The following PLCE1 variants were observed in gnomAD, a reference collection of about 807,000 sequenced individuals.
PLCE1 encodes 1-phosphatidylinositol 4,5-bisphosphate phosphodiesterase epsilon-1.
A neutral mutation model predicts 242.8 loss-of-function variants in PLCE1; 119 were observed. That is an observed-to-expected ratio of 0.49 (90% CI 0.42 to 0.57). The LOEUF (loss-of-function observed/expected upper bound fraction) is 0.57. Ranked by LOEUF, PLCE1 falls within the 20% of genes least tolerant of loss-of-function variation. PLCE1 has a pLI of 0.00. For missense variants in PLCE1, 2,441 were observed against 2,788.8 expected (o/e 0.88, Z 2.81); for synonymous variants, 945 against 1,017.4 (o/e 0.93, Z 1.35).
At chr10:93,996,395 G>A (rs2060822420) in intron 1 of PLCE1, among the ~76,000 whole-genome samples, 1 of 152,200 alleles carries the variant, frequency 6.6e-6, no homozygotes, top group Admixed American at 6.5e-5. Context: ...GTTTGGTTGA[G>A]GCGAGGGAAG....
intron 8 of PLCE1, among the ~76,000 whole-genome samples, chr10:94,250,050 T>A (rs948407183): frequency 6.6e-6 from 1 of 151,306 alleles, no homozygotes; most frequent in Non-Finnish European, 1.5e-5. Context: ...TTTTAAGGAA[T>A]CTATTTTCTA....
At position 94,246,555 on chromosome 10, in the gene PLCE1, A is replaced by G; in HGVS notation, c.3030A>G (p.Arg1010=). Residue 1010 remains arginine (R), a synonymous_variant, in exon 8 of 33, where the codon AGA becomes AGG. Transcript: ENST00000371380. ...SGLLELTRAV[R]KMRKFPDQRQ... ...TATTGGAACTCACTAGAGCTGTGAG[A>G]AAGATGAGGAAATTCCCTGACCAAA... 6.2e-7 allele frequency: 1 copy of G among 1,614,192 alleles called. No individual in the cohort carries two copies. Among genetic ancestry groups the G allele is most frequent in the Non-Finnish European group, 8.5e-7 (1 of 1,180,016 alleles).
At chr10:94,048,750 T>C (rs942627582) in intron 2 of PLCE1, among the ~76,000 whole-genome samples, 7 of 147,966 alleles carry the variant, frequency 4.7e-5, no homozygotes, top group African/African-American at 1.2e-4. Flanking sequence ...TATACACACA[T>C]ATATATAGAG....
Position 94,324,598 on chromosome 10 carries a change from T to A in PLCE1, c.6720+31T>A, listed in dbSNP as rs74153303. Reference sequence around the variant, plus strand: ...GTTTAAAGTTATTTTGCTCTGTTCTTAAGTTATCTGATACCCATAATTACA... The same window carrying A: ...GTTTAAAGTTATTTTGCTCTGTTCTAAAGTTATCTGATACCCATAATTACA... On this transcript the variant is annotated intron_variant, in intron 31 of 32. Transcript: ENST00000371380. The A allele has an allele frequency of 3.3e-3, 5,107 of 1,524,554 alleles. 169 individuals carry two copies. The African/African-American group carries it at 0.063, about 19-fold the overall frequency. 94.4% of individuals were successfully genotyped at this position (1,524,554 alleles called of 1,614,324 possible).
At chr10:94,205,539 A>G (rs762697430) in intron 4 of PLCE1, among the ~76,000 whole-genome samples, 13 of 152,250 alleles carry the variant, frequency 8.5e-5, no homozygotes, top group South Asian at 2.1e-4. Context: ...GACTAAATAA[A>G]TAGAACATGG....
At chr10:94,074,148 G>A (rs1300317467) in intron 2 of PLCE1, among the ~76,000 whole-genome samples, 1 of 151,054 alleles carries the variant, frequency 6.6e-6, no homozygotes, top group Non-Finnish European at 1.5e-5. Context: ...TTCAGACAGG[G>A]CCTAAAATTT....
intron 2 of PLCE1, among the ~76,000 whole-genome samples, chr10:94,114,871 ACT>A (rs2046072368): frequency 6.6e-6 from 1 of 151,258 alleles, no homozygotes; most frequent in African/African-American, 2.4e-5. Context: ...GCACCCATTA[ACT>A]CATCATTTAC....
At chr10:94,324,865 C>A in intron 31 of PLCE1, 27 bp from the exon 32 acceptor site, 1 of 1,607,586 alleles carries the variant, frequency 6.2e-7, no homozygotes, top group Non-Finnish European at 8.5e-7. Flanking sequence ...TAACCTAACA[C>A]CAATGGAAGG....
rs1439289730 is a variant in PLCE1 at position 94,133,082 on chromosome 10, A to G, written c.1492+623A>G. ...CTAGTGGTAGTTTATGACAAATGTC[A>G]ATTACTATGACAAGATGCTAGGAAA... On this transcript the variant is annotated intron_variant, in intron 3 of 32. Transcript: ENST00000371380. Among the ~76,000 whole-genome samples the G allele has an allele frequency of 2.6e-5, 4 of 152,144 alleles. No homozygotes were observed. The East Asian group carries it at 7.7e-4, about 29-fold the overall frequency.
At chr10:94,231,758 A>G (rs2050152617) in intron 5 of PLCE1, among the ~76,000 whole-genome samples, 1 of 152,282 alleles carries the variant, frequency 6.6e-6, no homozygotes, top group South Asian at 2.1e-4. Flanking sequence ...TTAGATTCTC[A>G]TAAGGAGCGT....
chr10:94,101,167 C>G lies in PLCE1; in HGVS notation c.1207-31007C>G, dbSNP rs977386257. Among the ~76,000 whole-genome samples, 3 of 152,150 alleles carry G rather than the reference C, an allele frequency of 2.0e-5. No homozygotes were observed. In the South Asian group the frequency reaches 6.2e-4, roughly 32 times the overall value. On this transcript the variant is annotated intron_variant, in intron 2 of 32. Transcript: ENST00000371380. ...AAATGGGGCATGAGACAGCAAGGCG[C>G]TAGAAGGGTACTTCCTAGCCTCACC...
In PLCE1 at chr10:94,330,354, T is replaced by C. The variant is rs964777580; in HGVS notation, c.*2411T>C. On this transcript the variant is annotated 3_prime_UTR_variant, in exon 33 of 33. Transcript: ENST00000371380. ...TACATACTTCATTGTATTTGAGTCT[T>C]TGGGATTACAGAAAGAACACATTGT... The C allele has an allele frequency of 5.3e-5, 8 of 152,198 alleles. No homozygotes were observed. The highest frequency in any genetic ancestry group is 1.9e-4 in the African/African-American group (8 of 41,450). 9.4% of individuals were successfully genotyped at this position (152,198 alleles called of 1,614,324 possible).
At chr10:94,000,932 G>T (rs1344238716) in intron 1 of PLCE1, among the ~76,000 whole-genome samples, 1 of 152,194 alleles carries the variant, frequency 6.6e-6, no homozygotes, top group Non-Finnish European at 1.5e-5. Flanking sequence ...TGGAACGGGG[G>T]CAAGGGTCAG....
intron 3 of PLCE1, among the ~76,000 whole-genome samples, chr10:94,155,332 C>T (rs2047398159): frequency 6.6e-6 from 1 of 152,138 alleles, no homozygotes; most frequent in African/African-American, 2.4e-5. Flanking sequence ...CATATTACAA[C>T]ATTGATAAAC....
chr10:94,326,073 A>G (rs1305263549), intron 32 of PLCE1, among the ~76,000 whole-genome samples: 1 of 152,202 alleles, frequency 6.6e-6, no homozygotes, highest in Non-Finnish European at 1.5e-5. Context: ...ACCAGTGGTA[A>G]GTCTCTCCTT....
intron 2 of PLCE1, among the ~76,000 whole-genome samples, chr10:94,034,115 A>G (rs180985263): frequency 1.1e-3 from 173 of 152,256 alleles, no homozygotes; most frequent in Non-Finnish European, 2.1e-3. Context: ...GCAGGGGAAC[A>G]CCCATGTATA....
chr10:94,322,700 G>T (rs555477200), intron 30 of PLCE1, among the ~76,000 whole-genome samples: 9 of 152,082 alleles, frequency 5.9e-5, no homozygotes, highest in Non-Finnish European at 8.8e-5. Flanking sequence ...CAGGAGAATC[G>T]CTTGAACCCG....
intron 1 of PLCE1, among the ~76,000 whole-genome samples, chr10:94,030,085 T>C (rs1479107778): frequency 3.3e-5 from 5 of 152,226 alleles, no homozygotes; most frequent in Non-Finnish European, 7.3e-5. Flanking sequence ...TTGCTGGGTA[T>C]AGAATTTGAA....
chr10:94,158,856 T>TTTC (rs1554871161), intron 3 of PLCE1, among the ~76,000 whole-genome samples: 3 of 140,992 alleles, frequency 2.1e-5, no homozygotes, highest in Non-Finnish European at 4.7e-5. Flanking sequence ...TTCTTTTTCT[T>TTTC]TTTTTTTTTT....
Sources: gnomAD v4.1 joint callset for allele counts (sites outside exome capture counted in the v4.1 genomes callset) on GRCh38, gnomAD v4.1.1 for gene constraint, MANE v1.5 for transcripts, NCBI Gene and HGNC (gene_info 2026-07-23, HGNC 2026-07-21) for gene names.